The following STPG2 variants were observed in gnomAD, a reference collection of about 807,000 sequenced individuals.
The protein encoded by STPG2 is sperm-tail PG-rich repeat-containing protein 2.
Under a neutral mutation model 54.2 loss-of-function variants are expected in STPG2, and 56 were observed. That is an observed-to-expected ratio of 1.03 (90% CI 0.83 to 1.29). The LOEUF is 1.29. Among genes scored for constraint, STPG2 ranks in the 50% most tolerant of loss-of-function variants. The pLI, the probability that STPG2 is intolerant of heterozygous loss-of-function variation, is 0.00. For missense variants in STPG2, 596 were observed against 544.9 expected, an observed-to-expected ratio of 1.09 and a Z score of -0.93; for synonymous variants, 200 against 181.8, an observed-to-expected ratio of 1.10 and a Z score of -0.81.
intron 8 of STPG2, among the ~76,000 whole-genome samples, chr4:97,883,253 T>G (rs1730446432): frequency 6.6e-6 from 1 of 151,778 alleles, no homozygotes; most frequent in South Asian, 2.1e-4. Context: ...CTGGCCTTGT[T>G]GGTGTGCTCC....
chr4:97,769,996 A>T (rs1419141272), intron 9 of STPG2, among the ~76,000 whole-genome samples: 3 of 152,148 alleles, frequency 2.0e-5, no homozygotes, highest in Non-Finnish European at 2.9e-5. Context: ...AGATCACTGT[A>T]GGTCAGGAGT....
At chr4:98,119,745 C>A (rs889044472) in intron 3 of STPG2, among the ~76,000 whole-genome samples, 53 of 152,070 alleles carry the variant, frequency 3.5e-4, no homozygotes, top group Non-Finnish European at 6.6e-4. Context: ...ATCCCCCAAA[C>A]CTACCCCCAA....
intron 5 of STPG2, among the ~76,000 whole-genome samples, chr4:98,078,980 T>C (rs552392108): frequency 1.3e-5 from 2 of 152,266 alleles, no homozygotes; most frequent in Admixed American, 1.3e-4. Context: ...TTATTGCATA[T>C]TATGTTTCTA....
At chr4:97,483,687 AAACAATGGATTTG>A (rs1222089873) in intron 4 of STPG2, among the ~76,000 whole-genome samples, 3 of 151,834 alleles carry the variant, frequency 2.0e-5, no homozygotes, top group African/African-American at 7.2e-5. Flanking sequence ...GTCAACAAAG[AAACAATGGATTTG>A]AACTATACCA....
intron 4 of STPG2, among the ~76,000 whole-genome samples, chr4:97,467,336 TA>T (rs1323363508): frequency 1.3e-5 from 2 of 151,872 alleles, no homozygotes; most frequent in Non-Finnish European, 2.9e-5. Context: ...AAAAAGCATA[TA>T]AATTCTTAAT....
At chr4:97,447,414 T>C (rs921916527) in intron 4 of STPG2, among the ~76,000 whole-genome samples, 1 of 152,336 alleles carries the variant, frequency 6.6e-6, no homozygotes, top group Non-Finnish European at 1.5e-5. Context: ...AATGTCTCCA[T>C]GGCATGTCAG....
intron 4 of STPG2, among the ~76,000 whole-genome samples, chr4:97,445,074 C>T (rs577948909): frequency 1.3e-3 from 194 of 152,150 alleles, no homozygotes; most frequent in African/African-American, 4.5e-3. Flanking sequence ...TGATAATAAT[C>T]TATTGTGGAG....
chr4:97,649,760 C>T (rs770269883), intron 10 of STPG2, among the ~76,000 whole-genome samples: 26 of 152,116 alleles, frequency 1.7e-4, no homozygotes, highest in Non-Finnish European at 2.4e-4. Flanking sequence ...CCTAGAGCAG[C>T]GATCCCCAAC....
intron 4 of STPG2, among the ~76,000 whole-genome samples, chr4:97,509,507 G>A (rs1047390472): frequency 2.6e-5 from 4 of 152,034 alleles, no homozygotes; most frequent in Non-Finnish European, 5.9e-5. Flanking sequence ...TCATAGAGAA[G>A]TTACAAATGA....
intron 10 of STPG2, among the ~76,000 whole-genome samples, chr4:97,621,879 C>G (rs1222253762): frequency 6.6e-6 from 1 of 152,098 alleles, no homozygotes; most frequent in Admixed American, 6.5e-5. Flanking sequence ...AAACCTTCAA[C>G]AAAATACTAG....
chr4:97,889,164 CA>C (rs1166929721), intron 8 of STPG2, among the ~76,000 whole-genome samples: 1 of 152,090 alleles, frequency 6.6e-6, no homozygotes, highest in African/African-American at 2.4e-5. Flanking sequence ...ATCAAAAAGG[CA>C]AAAGACACTA....
At chr4:98,053,266 AAT>A (rs1207723557) in intron 5 of STPG2, among the ~76,000 whole-genome samples, 1 of 152,180 alleles carries the variant, frequency 6.6e-6, no homozygotes, top group African/African-American at 2.4e-5. Context: ...ATAACATCAA[AAT>A]AGTCTCCCAA....
intron 8 of STPG2, among the ~76,000 whole-genome samples, chr4:97,933,901 A>T (rs1340520900): frequency 6.6e-6 from 1 of 152,230 alleles, no homozygotes; most frequent in Non-Finnish European, 1.5e-5. Context: ...TTCTGTGAAG[A>T]ATGTCAATGG....
At chr4:97,468,890 A>G (rs1411686289) in intron 4 of STPG2, among the ~76,000 whole-genome samples, 1 of 152,076 alleles carries the variant, frequency 6.6e-6, no homozygotes, top group African/African-American at 2.4e-5. Flanking sequence ...AAGGTTTCTC[A>G]CAGATAACTA....
chr4:97,535,025 G>C (rs1398147655), intron 4 of STPG2, among the ~76,000 whole-genome samples: 1 of 152,146 alleles, frequency 6.6e-6, no homozygotes, highest in Non-Finnish European at 1.5e-5. Context: ...TTCACTGGTT[G>C]AAGAAAATCT....
intron 5 of STPG2, among the ~76,000 whole-genome samples, chr4:98,094,446 T>A (rs915476503): frequency 1.3e-5 from 2 of 152,092 alleles, no homozygotes; most frequent in African/African-American, 4.8e-5. Flanking sequence ...GTGGCTACAG[T>A]GAAAGACTCA....
intron 10 of STPG2, among the ~76,000 whole-genome samples, chr4:97,657,347 A>G (rs552011175): frequency 3.3e-4 from 51 of 152,294 alleles, no homozygotes; most frequent in Middle Eastern, 3.4e-3. Context: ...AAATTCCATC[A>G]TCTTTGCTAT....
chr4:97,993,712 T>A (rs1409152054), intron 5 of STPG2, among the ~76,000 whole-genome samples: 1 of 152,208 alleles, frequency 6.6e-6, no homozygotes, highest in South Asian at 2.1e-4. Flanking sequence ...ATCCATCTGG[T>A]CTTGGACTTT....
At chr4:97,903,107 G>T (rs1240491922) in intron 8 of STPG2, among the ~76,000 whole-genome samples, 1 of 152,114 alleles carries the variant, frequency 6.6e-6, no homozygotes, top group Non-Finnish European at 1.5e-5. Context: ...CAAACTCGAA[G>T]TTACAAAATG....
Sources: gnomAD v4.1 joint callset for allele counts (sites outside exome capture counted in the v4.1 genomes callset) on GRCh38, gnomAD v4.1.1 for gene constraint, MANE v1.5 for transcripts, NCBI Gene and HGNC (gene_info 2026-07-23, HGNC 2026-07-21) for gene names.